Variants in IGFL4 observed in about 807,000 individuals in gnomAD.
IGFL4 encodes IGF like family member 4, also known as insulin growth factor-like family member 4.
IGFL4 carries 12 observed loss-of-function variants against 15.4 expected under a neutral mutation model. The ratio of observed to expected loss-of-function variants is 0.78; its 90% confidence interval spans 0.50 to 1.26. IGFL4 has a LOEUF of 1.26. Among genes scored for constraint, IGFL4 ranks in the 50% most tolerant of loss-of-function variants. IGFL4 has a pLI of 0.00. For missense variants in IGFL4, 126 were observed against 147.8 expected (o/e 0.85, Z 0.76); for synonymous variants, 54 against 55.9 (o/e 0.97, Z 0.16).
chr19:46,074,019 A>G (rs1487942678), intron 1 of IGFL4, among the ~76,000 whole-genome samples: 1 of 152,118 alleles, frequency 6.6e-6, no homozygotes, highest in Non-Finnish European at 1.5e-5. Context: ...GGAATGTCTC[A>G]GTGGGGAAGG....
At chr19:46,068,681 G>A (rs1401435573) in intron 1 of IGFL4, among the ~76,000 whole-genome samples, 2 of 152,136 alleles carry the variant, frequency 1.3e-5, no homozygotes, top group Admixed American at 1.3e-4. Context: ...TAGGCCTCCA[G>A]GCCCAATCCT....
At chr19:46,058,675 G>T (rs1177337064) in intron 2 of IGFL4, 1 of 152,170 alleles carries the variant, frequency 6.6e-6, no homozygotes, top group Non-Finnish European at 1.5e-5. Flanking sequence ...TGAAATCTAG[G>T]CGGAGGTTCC....
chr19:46,057,020 AT>A (rs1969399465), intron 2 of IGFL4, among the ~76,000 whole-genome samples: 1 of 152,174 alleles, frequency 6.6e-6, no homozygotes, highest in African/African-American at 2.4e-5. Context: ...AGGTAGAAAA[AT>A]TTGAAAATAT....
intron 2 of IGFL4, among the ~76,000 whole-genome samples, chr19:46,048,769 G>A (rs1252216206): frequency 2.0e-5 from 3 of 152,020 alleles, no homozygotes; most frequent in Non-Finnish European, 4.4e-5. Flanking sequence ...AAATCAGATA[G>A]GACACAAATA....
At chr19:46,072,297 G>A (rs1969554068) in intron 1 of IGFL4, among the ~76,000 whole-genome samples, 1 of 152,198 alleles carries the variant, frequency 6.6e-6, no homozygotes. Flanking sequence ...CAGTTCCGCA[G>A]AACTAAGGTT....
At chr19:46,051,499 C>G (rs11669930) in intron 2 of IGFL4, among the ~76,000 whole-genome samples, 27,040 of 152,076 alleles carry the variant, frequency 0.18, 2,623 homozygotes, top group Middle Eastern at 0.22. Context: ...GAGCCGAGAT[C>G]GTGCCGCTGC....
At chr19:46,055,165 G>A (rs1021506059) in intron 2 of IGFL4, among the ~76,000 whole-genome samples, 6 of 152,226 alleles carry the variant, frequency 3.9e-5, no homozygotes, top group Non-Finnish European at 7.3e-5. Flanking sequence ...CTGTGACTGT[G>A]AAGGCACCTC....
chr19:46,074,171 G>T (rs1267924137), intron 1 of IGFL4, among the ~76,000 whole-genome samples: 1 of 151,788 alleles, frequency 6.6e-6, no homozygotes, highest in Non-Finnish European at 1.5e-5. Context: ...GGCTAGGGGG[G>T]TCTTAGTTCC....
rs1160935711 is a variant in IGFL4 at position 46,039,391 on chromosome 19, A to T, written c.*501T>A. Among the ~76,000 whole-genome samples, 1 of 144,178 alleles carries T rather than the reference A, an allele frequency of 6.9e-6. No individual in the cohort carries two copies. The highest frequency in any genetic ancestry group is 1.5e-5 in the Non-Finnish European group (1 of 65,714). The allele number at this position is 144,178 out of a possible 152,430, so 94.6% of individuals were successfully genotyped here. ...GCGATGAGGGCTCTTTTTTGGTTCC[A>T]TATGAACTTTAAAGTAGTTTTTTCC... On this transcript the variant is annotated 3_prime_UTR_variant, in exon 4 of 4. Coordinates refer to ENST00000377697, the MANE Select transcript of IGFL4 (RefSeq NM_001002923.3).
intron 2 of IGFL4, among the ~76,000 whole-genome samples, chr19:46,055,338 C>A (rs1600673607): frequency 1.3e-5 from 2 of 151,982 alleles, no homozygotes; most frequent in East Asian, 3.9e-4. Flanking sequence ...ACAGTTTCTC[C>A]TGCTTCAGCT....
At chr19:46,054,447 CT>C (rs1969375348) in intron 2 of IGFL4, among the ~76,000 whole-genome samples, 1 of 152,116 alleles carries the variant, frequency 6.6e-6, no homozygotes, top group Non-Finnish European at 1.5e-5. Flanking sequence ...GTTTTCTGTT[CT>C]GTTCCATTGG....
At chr19:46,070,927 C>T (rs1449132625) in intron 1 of IGFL4, among the ~76,000 whole-genome samples, 5 of 152,088 alleles carry the variant, frequency 3.3e-5, no homozygotes, top group Non-Finnish European at 5.9e-5. Context: ...CAAATTGAAT[C>T]GCCTAATCAC....
intron 1 of IGFL4, among the ~76,000 whole-genome samples, chr19:46,072,389 A>G (rs1262301823): frequency 6.6e-6 from 1 of 152,208 alleles, no homozygotes; most frequent in Non-Finnish European, 1.5e-5. Flanking sequence ...CGTGGGGTCC[A>G]CCAAAGTTCC....
At chr19:46,048,124 C>A (rs1248308084) in intron 2 of IGFL4, among the ~76,000 whole-genome samples, 1 of 152,192 alleles carries the variant, frequency 6.6e-6, no homozygotes, top group African/African-American at 2.4e-5. Context: ...ATACGCAAAG[C>A]AACAAATGTG....
At chr19:46,045,443 CAA>C (rs34422465), upstream of IGFL4, among the ~76,000 whole-genome samples, 2 of 101,142 alleles carry the variant, frequency 2.0e-5, no homozygotes, top group Admixed American at 1.0e-4. Flanking sequence ...AACTCTGTCT[CAA>C]AAAAAAAAAA....
chr19:46,045,199 C>T (rs994631051), upstream of IGFL4, among the ~76,000 whole-genome samples: 3 of 152,108 alleles, frequency 2.0e-5, no homozygotes, highest in Admixed American at 6.5e-5. Flanking sequence ...AATCCCAGCA[C>T]TTTGGGAGGC....
In IGFL4 at chr19:46,040,717, G is replaced by A; in HGVS notation, c.20-149C>T. 1 of 1,013,434 alleles carries A rather than the reference G, an allele frequency of 9.9e-7. No individual in the cohort carries two copies. Among genetic ancestry groups the A allele is most frequent in the Non-Finnish European group, 1.5e-6 (1 of 660,886 alleles). The allele number at this position is 1,013,434 out of a possible 1,614,324, so 62.8% of individuals were successfully genotyped here. On this transcript the variant is annotated intron_variant, in intron 1 of 3. Transcript: ENST00000377697. The surrounding 1 kb of genome is among the most constrained non-coding windows in gnomAD (Gnocchi z 4.1). ...CTGTGGGTGCAGGTCCTGGGGACTG[G>A]GCTTGGCAGGTGAGGAAAGGCAGGG...
intron 1 of IGFL4, among the ~76,000 whole-genome samples, chr19:46,064,869 G>A (rs1600677383): frequency 6.6e-6 from 1 of 152,110 alleles, no homozygotes; most frequent in African/African-American, 2.4e-5. Flanking sequence ...TCTTCAAACC[G>A]TTTTCCACAG....
At chr19:46,056,577 A>G (rs1969394685) in intron 2 of IGFL4, among the ~76,000 whole-genome samples, 1 of 152,158 alleles carries the variant, frequency 6.6e-6, no homozygotes, top group African/African-American at 2.4e-5. Context: ...GATGAATTGG[A>G]AAAATACTGA....
Sources: allele counts gnomAD v4.1 joint callset (sites outside exome capture counted in the v4.1 genomes callset), GRCh38; gene constraint gnomAD v4.1.1; non-coding constraint Gnocchi (gnomAD v3.1); transcripts MANE v1.5; gene names NCBI Gene and HGNC (gene_info 2026-07-23, HGNC 2026-07-21).